The following FHIT variants were observed in gnomAD, a reference collection of about 807,000 sequenced individuals.
FHIT encodes bis(5'-adenosyl)-triphosphatase.
FHIT carries 19 observed loss-of-function variants against 17.9 expected under a neutral mutation model. The observed-to-expected ratio is 1.06, with a 90% CI of 0.74 to 1.56. FHIT has a LOEUF of 1.56. Ranked by LOEUF, FHIT falls within the 40% of genes most tolerant of loss-of-function variation. The pLI, the probability that FHIT is intolerant of heterozygous loss-of-function variation, is 0.00. For missense variants in FHIT, 248 were observed against 189.2 expected, an observed-to-expected ratio of 1.31 and a Z score of -1.82; for synonymous variants, 81 against 69.7, an observed-to-expected ratio of 1.16 and a Z score of -0.81.
At chr3:60,995,443 C>A (rs1056323812) in intron 3 of FHIT, among the ~76,000 whole-genome samples, 1 of 152,138 alleles carries the variant, frequency 6.6e-6, no homozygotes, top group Non-Finnish European at 1.5e-5. Context: ...TTCCCACAAG[C>A]CCCCAAACAG....
At chr3:60,132,189 T>C (rs1699623175) in intron 5 of FHIT, among the ~76,000 whole-genome samples, 1 of 152,188 alleles carries the variant, frequency 6.6e-6, no homozygotes, top group African/African-American at 2.4e-5. Flanking sequence ...ACTCTTCATT[T>C]GTTTCCTTCA....
chr3:60,724,196 T>C (rs2041868029), intron 4 of FHIT, among the ~76,000 whole-genome samples: 1 of 152,338 alleles, frequency 6.6e-6, no homozygotes, highest in South Asian at 2.1e-4. Context: ...GCTATGGATT[T>C]ACCTATTTTT....
intron 5 of FHIT, among the ~76,000 whole-genome samples, chr3:60,078,048 T>C (rs575140883): frequency 1.1e-4 from 17 of 152,110 alleles, no homozygotes; most frequent in African/African-American, 3.9e-4. Flanking sequence ...AAGTCATAAA[T>C]AAGGAGTAAT....
Position 60,355,714 on chromosome 3 carries a change from T to C in FHIT, c.103+181146A>G, listed in dbSNP as rs1699624165. Reference sequence around the variant, plus strand: ...AGCAATAGGTTATTCTTCCAGTTTTTGTCACAAATTTTTTTTTAAATTTAT... The same window carrying C: ...AGCAATAGGTTATTCTTCCAGTTTTCGTCACAAATTTTTTTTTAAATTTAT... On this transcript the variant is annotated intron_variant, in intron 5 of 9. Transcript: ENST00000492590. Among the ~76,000 whole-genome samples the C allele has an allele frequency of 2.0e-5, 3 of 152,340 alleles. No homozygotes were observed. In the South Asian group the frequency reaches 6.2e-4, roughly 32 times the overall value.
intron 3 of FHIT, among the ~76,000 whole-genome samples, chr3:61,015,268 A>T (rs2032045701): frequency 6.6e-6 from 1 of 152,144 alleles, no homozygotes; most frequent in African/African-American, 2.4e-5. Flanking sequence ...TGCAGATTCG[A>T]AGGGGGATTT....
chr3:59,956,750 C>T (rs35674510), intron 7 of FHIT, among the ~76,000 whole-genome samples: 6,292 of 152,230 alleles, frequency 0.041, 201 homozygotes, highest in Non-Finnish European at 0.057. Context: ...ACAGTAGCCA[C>T]CTCACATAGT....
At chr3:60,924,586 G>C (rs1391093674) in intron 3 of FHIT, among the ~76,000 whole-genome samples, 3 of 152,110 alleles carry the variant, frequency 2.0e-5, no homozygotes, top group Non-Finnish European at 2.9e-5. Flanking sequence ...ACCAAAGGTA[G>C]ATAAAACCAC....
intron 5 of FHIT, among the ~76,000 whole-genome samples, chr3:60,046,588 C>G (rs968598792): frequency 1.2e-4 from 18 of 152,192 alleles, no homozygotes; most frequent in African/African-American, 4.3e-4. Flanking sequence ...AAAAGACAAA[C>G]AGAGCTAGCC....
At chr3:61,162,094 C>T (rs545372177) in intron 2 of FHIT, among the ~76,000 whole-genome samples, 1 of 152,322 alleles carries the variant, frequency 6.6e-6, no homozygotes, top group Admixed American at 6.5e-5. Context: ...TCAATTAAAA[C>T]TCATCAGCAA....
chr3:60,513,199 A>G (rs1254045617), intron 5 of FHIT, among the ~76,000 whole-genome samples: 2 of 152,238 alleles, frequency 1.3e-5, no homozygotes, highest in East Asian at 3.8e-4. Flanking sequence ...GCACAGATAT[A>G]TCAAGATGTC....
chr3:60,723,022 A>G (rs1271681931), intron 4 of FHIT, among the ~76,000 whole-genome samples: 2 of 152,098 alleles, frequency 1.3e-5, no homozygotes, highest in East Asian at 3.9e-4. Context: ...TTCCTGGCCT[A>G]CTTTAAGTCT....
intron 5 of FHIT, among the ~76,000 whole-genome samples, chr3:60,370,607 G>A (rs554045126): frequency 6.6e-6 from 1 of 152,192 alleles, no homozygotes; most frequent in East Asian, 1.9e-4. Context: ...CCTAGTCACC[G>A]AGAGGTGGAC....
At chr3:60,064,388 C>A (rs1268493922) in intron 5 of FHIT, among the ~76,000 whole-genome samples, 1 of 152,144 alleles carries the variant, frequency 6.6e-6, no homozygotes, top group Non-Finnish European at 1.5e-5. Flanking sequence ...CACCCCCAAC[C>A]AAACCACCCT....
Position 59,773,854 on chromosome 3 carries a change from C to T in FHIT, c.349-21533G>A, listed in dbSNP as rs183107325. On this transcript the variant is annotated intron_variant, in intron 8 of 9. Transcript: ENST00000492590. The stretch of plus-strand genomic sequence containing the variant: ...ATGTGACTACCAGGCCCCTGTAAAA[C>T]GGCTTGTCTGAACTGAGAGGTATTG... 2.7e-3 allele frequency among the ~76,000 whole-genome samples: 411 copies of T among 152,232 alleles called. 2 individuals carry two copies. The highest frequency in any genetic ancestry group is 9.5e-3 in the African/African-American group (393 of 41,552).
chr3:60,143,797 A>C (rs1157050029), intron 5 of FHIT, among the ~76,000 whole-genome samples: 1 of 152,144 alleles, frequency 6.6e-6, no homozygotes, highest in African/African-American at 2.4e-5. Context: ...AATTAATATA[A>C]ATTAAATTTG....
intron 4 of FHIT, among the ~76,000 whole-genome samples, chr3:60,676,936 G>A (rs912116947): frequency 1.3e-4 from 20 of 152,094 alleles, no homozygotes; most frequent in African/African-American, 3.9e-4. Context: ...ATGCCGTGGC[G>A]CCATCTTGGC....
intron 2 of FHIT, among the ~76,000 whole-genome samples, chr3:61,098,479 C>T (rs1284025285): frequency 2.0e-5 from 3 of 152,172 alleles, no homozygotes; most frequent in East Asian, 3.9e-4. Flanking sequence ...TTTCTAGTTC[C>T]GTGAAGAATC....
intron 4 of FHIT, among the ~76,000 whole-genome samples, chr3:60,755,840 C>T (rs1305409146): frequency 6.6e-6 from 1 of 152,158 alleles, no homozygotes; most frequent in Admixed American, 6.5e-5. Context: ...TATTCAGTAC[C>T]TATCAAGAGT....
At chr3:60,004,238 G>A (rs1336609967) in intron 7 of FHIT, among the ~76,000 whole-genome samples, 1 of 152,050 alleles carries the variant, frequency 6.6e-6, no homozygotes, top group Non-Finnish European at 1.5e-5. Flanking sequence ...TGAGCCTCAG[G>A]TGTAAAAGAC....
Sources: allele counts gnomAD v4.1 joint callset (sites outside exome capture counted in the v4.1 genomes callset), GRCh38; gene constraint gnomAD v4.1.1; transcripts MANE v1.5; gene names NCBI Gene and HGNC (gene_info 2026-07-23, HGNC 2026-07-21).